USH1C: variants seen among roughly 807,000 people sequenced by gnomAD.
USH1C encodes the protein USH1 protein network component harmonin.
Under a neutral mutation model 119.3 loss-of-function variants are expected in USH1C, and 90 were observed. The observed-to-expected ratio is 0.75, with a 90% CI of 0.64 to 0.90. The LOEUF (loss-of-function observed/expected upper bound fraction) is 0.90, where lower values mean the gene tolerates loss of function less well. USH1C is among the 40% of genes least tolerant of loss of function. The pLI is 0.00. For missense variants in USH1C, 1,165 were observed against 1,167.7 expected (o/e 1.00, Z 0.03); for synonymous variants, 465 against 443.3 (o/e 1.05, Z -0.62).
intron 4 of USH1C, among the ~76,000 whole-genome samples, chr11:17,527,810 G>GA (rs1850778476): frequency 6.6e-6 from 1 of 152,130 alleles, no homozygotes; most frequent in African/African-American, 2.4e-5. Flanking sequence ...TCGGGGTGGG[G>GA]ACCTTCTGTG....
At chr11:17,532,220 G>A (rs1428525248) in intron 2 of USH1C, among the ~76,000 whole-genome samples, 2 of 152,130 alleles carry the variant, frequency 1.3e-5, no homozygotes, top group Non-Finnish European at 2.9e-5. Context: ...TTGCTTTCAT[G>A]CCTCCACACT....
intron 1 of USH1C, among the ~76,000 whole-genome samples, chr11:17,535,560 C>A (rs938590825): frequency 7.2e-5 from 11 of 152,286 alleles, no homozygotes; most frequent in African/African-American, 2.6e-4. Flanking sequence ...AAGATGAGAT[C>A]TATTTTGTTC....
chr11:17,494,133 C>A lies in USH1C; in HGVS notation c.*199G>T. The A allele has an allele frequency of 1.6e-6, 1 of 641,040 alleles. No individual in the cohort carries two copies. Among genetic ancestry groups the A allele is most frequent in the Non-Finnish European group, 2.8e-6 (1 of 358,962 alleles). 39.7% of individuals were successfully genotyped at this position (641,040 alleles called of 1,614,324 possible). On this transcript the variant is annotated 3_prime_UTR_variant, in exon 27 of 27. Coordinates refer to ENST00000005226, the MANE Select transcript of USH1C (RefSeq NM_153676.4). ...ATCTTCTCCCAAATGGCTGGCTGCT[C>A]CCTTTCCTCCACGTTGGCCTTCAGA...
chr11:17,519,024 G>GA (rs35854098), intron 14 of USH1C, among the ~76,000 whole-genome samples: 109 of 144,396 alleles, frequency 7.5e-4, no homozygotes, highest in Non-Finnish European at 7.4e-4. Context: ...TCTGTCTCAA[G>GA]AAAAAAAAAA....
intron 14 of USH1C, 114 bp downstream of exon 14, chr11:17,520,756 A>C: frequency 7.6e-7 from 1 of 1,320,484 alleles, no homozygotes; most frequent in Non-Finnish European, 1.1e-6. Flanking sequence ...TCCATGAAGG[A>C]ACCACAGCCC....
intron 8 of USH1C, among the ~76,000 whole-genome samples, chr11:17,524,748 C>A (rs1339687051): frequency 6.6e-6 from 1 of 152,184 alleles, no homozygotes; most frequent in Admixed American, 6.5e-5. Context: ...ACCTAATATA[C>A]CTCATATGCT....
intron 8 of USH1C, 136 bp downstream of exon 8, chr11:17,526,211 A>G (rs1033694858): frequency 1.3e-6 from 1 of 742,996 alleles, no homozygotes; most frequent in Non-Finnish European, 2.3e-6. Flanking sequence ...TAACAAAAAA[A>G]GTATCATCAC....
intron 14 of USH1C, among the ~76,000 whole-genome samples, chr11:17,519,150 G>T (rs1401019265): frequency 6.6e-6 from 1 of 152,222 alleles, no homozygotes; most frequent in East Asian, 1.9e-4. Flanking sequence ...AGGCCTGCTG[G>T]ACCAACTCAG....
rs1459044939 is a variant in USH1C at position 17,520,929 on chromosome 11, A to G, written c.1151T>C (p.Leu384Pro). 1 of 1,614,138 alleles carries G rather than the reference A, an allele frequency of 6.2e-7. No homozygotes were observed. Among genetic ancestry groups the G allele is most frequent in the Admixed American group, 1.7e-5 (1 of 60,020 alleles). Reference sequence around the variant, plus strand: ...AGCAGTGATGGTTTTAGGCAAGAGTAGCTGTTCCTTTGAGCCCCAGTCTTC... The same window carrying G: ...AGCAGTGATGGTTTTAGGCAAGAGTGGCTGTTCCTTTGAGCCCCAGTCTTC... Reference protein sequence around the residue: ...WEEDWGSKEQLLLPKTITAEV... With the variant: ...WEEDWGSKEQPLLPKTITAEV... Residue 384 changes from leucine (L) to proline (P), a missense_variant, in exon 14 of 27, where the codon CTA becomes CCA. Leu to Pro is a moderately conservative substitution (Grantham distance 98). Transcript: ENST00000005226.
At chr11:17,520,748 C>A in intron 14 of USH1C, 122 bp downstream of exon 14, 1 of 1,230,588 alleles carries the variant, frequency 8.1e-7, no homozygotes, top group Non-Finnish European at 1.2e-6. Flanking sequence ...GCTGCCCCTC[C>A]ATGAAGGAAC....
intron 1 of USH1C, among the ~76,000 whole-genome samples, chr11:17,535,980 T>C (rs1851218821): frequency 1.3e-5 from 2 of 152,202 alleles, no homozygotes; most frequent in African/African-American, 4.8e-5. Context: ...TAACTCCCAA[T>C]GTCCCTTTAG....
intron 12 of USH1C, among the ~76,000 whole-genome samples, chr11:17,521,865 A>C (rs1453828032): frequency 6.6e-6 from 1 of 152,216 alleles, no homozygotes; most frequent in African/African-American, 2.4e-5. Context: ...ACAAAGTCTC[A>C]CTTTGCACCC....
chr11:17,496,581 T>C (rs1287763716), intron 25 of USH1C, among the ~76,000 whole-genome samples, 177 bp downstream of exon 25: 3 of 152,228 alleles, frequency 2.0e-5, no homozygotes, highest in Admixed American at 1.3e-4. Flanking sequence ...CAGACACTGC[T>C]TAAGGACAAT....
rs2133893680 is a variant in USH1C, at chr11:17,526,406, C to A, written c.615G>T (p.Arg205=). The A allele has an allele frequency of 6.2e-7, 1 of 1,614,112 alleles. No individual in the cohort carries two copies. Among genetic ancestry groups the A allele is most frequent in the Non-Finnish European group, 8.5e-7 (1 of 1,180,012 alleles). Residue 205 remains arginine, a synonymous_variant, in exon 8 of 27, where the codon CGG becomes CGT. Transcript: ENST00000005226. The stretch of plus-strand genomic sequence containing the variant: ...TGAAGACCTTCTTCTCCTTGTTTTC[C>A]CGATTTCCAGGGGAGCCCAGGCTGC... ...VRGSLGSPGN[R]ENKEKKVFIS...
rs749144834 is a variant in USH1C at position 17,511,961 on chromosome 11, C to T, written c.1354G>A (p.Glu452Lys). 3.7e-6 allele frequency: 6 copies of T among 1,614,082 alleles called. No individual in the cohort carries two copies. The highest frequency in any genetic ancestry group is 5.1e-6 in the Non-Finnish European group (6 of 1,180,054). ...ELEFEQKLYK[E>K]KEEMLEKEKQ... ...TCCTTCTCCAGCATTTCCTCTTTCTCTTTGTAAAGCTTTTGCTCAAACTCC... is the reference window on the plus strand; with the variant it reads ...TCCTTCTCCAGCATTTCCTCTTTCTTTTTGTAAAGCTTTTGCTCAAACTCC... The change falls in exon 16 of 27, where the codon GAG becomes AAG. Residue 452 changes from glutamate (E) to lysine (K), a missense_variant. Glu to Lys is a moderately conservative substitution (Grantham distance 56, BLOSUM62 1). Coordinates refer to ENST00000005226, the MANE Select transcript of USH1C (RefSeq NM_153676.4).
rs764124235 is a variant in USH1C, at chr11:17,521,431, T to C, written c.1020-20A>G. ...CTCCTTCTGAAACACAAATGCAGATTGGCATGTTTGGCCCTATGCAAGAGA... is the reference window on the plus strand; with the variant it reads ...CTCCTTCTGAAACACAAATGCAGATCGGCATGTTTGGCCCTATGCAAGAGA... On this transcript the variant is annotated intron_variant, in intron 12 of 26. Transcript: ENST00000005226. The C allele has an allele frequency of 1.9e-6, 3 of 1,612,246 alleles. No homozygotes were observed. The highest frequency in any genetic ancestry group is 1.7e-5 in the Admixed American group (1 of 60,028).
rs545929961 is a variant in USH1C, at chr11:17,526,854, C to T, written c.522-44G>A. 1.7e-4 allele frequency: 271 copies of T among 1,607,278 alleles called. No homozygotes were observed. The African/African-American group carries it at 2.5e-3, about 15-fold the overall frequency. On this transcript the variant is annotated intron_variant, in intron 6 of 26. Coordinates refer to ENST00000005226, the MANE Select transcript of USH1C (RefSeq NM_153676.4). ...AGATGGGAGGGTGGTTAGCGAGAGA[C>T]GTTTGAGGAACCAGGCCCCACATCC... is the stretch of plus-strand genomic sequence containing the variant.
Position 17,498,178 on chromosome 11 carries a change from G to A in USH1C, c.2474C>T (p.Ala825Val). Residue 825 changes from alanine to valine, a missense_variant, in exon 24 of 27, where the codon GCC (alanine) becomes GTC (valine). Ala to Val is a moderately conservative substitution (Grantham distance 64). Coordinates refer to ENST00000005226, the MANE Select transcript of USH1C (RefSeq NM_153676.4). ...LAEAEAALQK[A>V]WNQGGDWIDL... ...TATTCTTACCCCGCCCTGATTCCAGGCCTTCTGCAGGGCAGCCTCAGCCTC... is the reference window on the plus strand; with the variant it reads ...TATTCTTACCCCGCCCTGATTCCAGACCTTCTGCAGGGCAGCCTCAGCCTC... 1 of 1,614,142 alleles carries A rather than the reference G, an allele frequency of 6.2e-7. No homozygotes were observed. The highest frequency in any genetic ancestry group is 1.1e-5 in the South Asian group (1 of 91,080).
At chr11:17,517,488 A>G (rs1171055136) in intron 14 of USH1C, 11 of 1,581,144 alleles carry the variant, frequency 7.0e-6, no homozygotes, top group Admixed American at 1.8e-5. Context: ...CCCAGGGAAA[A>G]GAGGAGGAAG....
Sources: gnomAD v4.1 joint callset for allele counts (sites outside exome capture counted in the v4.1 genomes callset) on GRCh38, gnomAD v4.1.1 for gene constraint, MANE v1.5 for transcripts, NCBI Gene and HGNC (gene_info 2026-07-23, HGNC 2026-07-21) for gene names.